CNTNAP4: variants seen among roughly 807,000 people sequenced by gnomAD.
The protein encoded by CNTNAP4 is contactin-associated protein-like 4.
In CNTNAP4, 98 loss-of-function variants were observed where a neutral mutation model predicts 148.4. The ratio of observed to expected loss-of-function variants is 0.66; its 90% confidence interval spans 0.56 to 0.78. The LOEUF (loss-of-function observed/expected upper bound fraction) is 0.78, where lower values mean the gene tolerates loss of function less well. Ranked by LOEUF, CNTNAP4 falls within the 30% of genes least tolerant of loss-of-function variation. The pLI is 0.00. For missense variants in CNTNAP4, 1,935 were observed against 1,565.6 expected (o/e 1.24, Z -3.98); for synonymous variants, 730 against 565.1 (o/e 1.29, Z -4.14).
chr16:76,313,055 C>T (rs989370745), intron 1 of CNTNAP4, among the ~76,000 whole-genome samples: 2 of 152,136 alleles, frequency 1.3e-5, no homozygotes, highest in Non-Finnish European at 2.9e-5. Context: ...CCAAATATCA[C>T]AAGCCTCCTG....
intron 3 of CNTNAP4, among the ~76,000 whole-genome samples, chr16:76,414,658 A>G (rs1160383735): frequency 6.6e-6 from 1 of 151,266 alleles, no homozygotes; most frequent in African/African-American, 2.4e-5. Flanking sequence ...GAGGCCTGCA[A>G]TTTTCTGTGT....
chr16:76,537,210 T>C (rs149520406), intron 18 of CNTNAP4, among the ~76,000 whole-genome samples: 116 of 152,294 alleles, frequency 7.6e-4, no homozygotes, highest in African/African-American at 2.5e-3. Flanking sequence ...TGTTACTCTG[T>C]ATGCACATAT....
chr16:76,452,660 G>C lies in CNTNAP4; in HGVS notation c.1224G>C (p.Leu408=). The change falls in exon 8 of 24, where the codon CTG becomes CTC. Residue 408 remains leucine, a synonymous_variant. Transcript: ENST00000611870. ...CTTGGAATAAGGCAGGGCTTCTGCTGTTCAGTGAACTTCAGCTGATTTCAG... is the reference window on the plus strand; with the variant it reads ...CTTGGAATAAGGCAGGGCTTCTGCTCTTCAGTGAACTTCAGCTGATTTCAG... ...FRTWNKAGLL[L]FSELQLISGG... 1 of 1,613,880 alleles carries C rather than the reference G, an allele frequency of 6.2e-7. No individual in the cohort carries two copies. The highest frequency in any genetic ancestry group is 1.7e-5 in the Admixed American group (1 of 60,000).
At chr16:76,359,564 T>C (rs773352097) in intron 3 of CNTNAP4, among the ~76,000 whole-genome samples, 6 of 152,138 alleles carry the variant, frequency 3.9e-5, no homozygotes, top group African/African-American at 9.7e-5. Context: ...TTTTACAGTC[T>C]ATACAGATCA....
At chr16:76,370,169 T>C (rs1490395187) in intron 3 of CNTNAP4, among the ~76,000 whole-genome samples, 1 of 152,146 alleles carries the variant, frequency 6.6e-6, no homozygotes, top group Non-Finnish European at 1.5e-5. Flanking sequence ...CGTACCTTGG[T>C]TGTCAATACA....
intron 17 of CNTNAP4, among the ~76,000 whole-genome samples, chr16:76,524,491 A>G (rs1387321638): frequency 6.6e-6 from 1 of 152,154 alleles, no homozygotes; most frequent in African/African-American, 2.4e-5. Context: ...TTGCCTGTGG[A>G]TGACCTTTCA....
intron 10 of CNTNAP4, among the ~76,000 whole-genome samples, chr16:76,472,503 T>C (rs1469646490): frequency 6.6e-6 from 1 of 152,006 alleles, no homozygotes; most frequent in Non-Finnish European, 1.5e-5. Flanking sequence ...TGCTATAGAA[T>C]AGCCTTTGGT....
At chr16:76,282,794 T>C (rs1340503052) in intron 1 of CNTNAP4, among the ~76,000 whole-genome samples, 1 of 151,962 alleles carries the variant, frequency 6.6e-6, no homozygotes, top group Non-Finnish European at 1.5e-5. Context: ...ATTTACGCTA[T>C]ACTTTTTCCT....
Position 76,558,677 on chromosome 16 carries a change from C to T in CNTNAP4, c.3921C>T (p.Phe1307=), listed in dbSNP as rs768680630. The T allele has an allele frequency of 3.1e-6, 5 of 1,599,966 alleles. No individual in the cohort carries two copies. The highest frequency in any genetic ancestry group is 2.2e-5 in the South Asian group (2 of 88,940). Residue 1307 remains phenylalanine, a synonymous_variant, in exon 24 of 24, where the codon TTC becomes TTT. Transcript: ENST00000611870. Reference sequence around the variant, plus strand: ...TCAATGAAAATCAGAAAGAGTACTTCTTCTGATTGGCAGCTATGATTTAAC... The same window carrying T: ...TCAATGAAAATCAGAAAGAGTACTTTTTCTGATTGGCAGCTATGATTTAAC... ...NAVNENQKEY[F]F
At chr16:76,483,374 T>C (rs2081912865) in intron 12 of CNTNAP4, among the ~76,000 whole-genome samples, 1 of 151,938 alleles carries the variant, frequency 6.6e-6, no homozygotes, top group South Asian at 2.1e-4. Context: ...GGAATCACAG[T>C]ACAATTAGTT....
chr16:76,310,983 T>C (rs1329091694), intron 1 of CNTNAP4, among the ~76,000 whole-genome samples: 1 of 152,146 alleles, frequency 6.6e-6, no homozygotes, highest in South Asian at 2.1e-4. Context: ...GTGCTCTTTT[T>C]TCCTCAAGTG....
intron 3 of CNTNAP4, among the ~76,000 whole-genome samples, chr16:76,358,312 G>T (rs576894705): frequency 6.6e-6 from 1 of 152,094 alleles, no homozygotes; most frequent in East Asian, 1.9e-4. Context: ...CTCCAGCCTG[G>T]GTGACAGAGC....
At chr16:76,410,013 T>C (rs1037797030) in intron 3 of CNTNAP4, among the ~76,000 whole-genome samples, 8 of 151,910 alleles carry the variant, frequency 5.3e-5, no homozygotes, top group East Asian at 3.9e-4. Context: ...CTCCAATTTA[T>C]AGATAAAGAA....
intron 3 of CNTNAP4, among the ~76,000 whole-genome samples, chr16:76,373,699 A>G (rs1288469765): frequency 2.0e-5 from 3 of 152,052 alleles, no homozygotes; most frequent in African/African-American, 4.8e-5. Context: ...GTTCAAGACC[A>G]GTCTGGCCAA....
chr16:76,424,491 C>T (rs1294929934), intron 3 of CNTNAP4, among the ~76,000 whole-genome samples: 2 of 152,190 alleles, frequency 1.3e-5, no homozygotes, highest in Non-Finnish European at 1.5e-5. Flanking sequence ...CGGTGGTTCA[C>T]GCCTGTAATC....
At chr16:76,463,391 G>A (rs1362270656) in intron 9 of CNTNAP4, among the ~76,000 whole-genome samples, 1 of 152,104 alleles carries the variant, frequency 6.6e-6, no homozygotes, top group Non-Finnish European at 1.5e-5. Flanking sequence ...TGTCCTTCAT[G>A]TTCAGGTTTA....
intron 3 of CNTNAP4, among the ~76,000 whole-genome samples, chr16:76,421,514 A>C (rs1315703988): frequency 1.3e-5 from 2 of 152,098 alleles, no homozygotes; most frequent in East Asian, 3.9e-4. Context: ...TTATGTTAGC[A>C]AATTTTCCAC....
In CNTNAP4 at chr16:76,475,970, G is replaced by T. The variant is rs1212345679; in HGVS notation, c.1687G>T (p.Glu563Ter). The T allele has an allele frequency of 1.2e-6, 2 of 1,613,818 alleles. No individual in the cohort carries two copies. The highest frequency in any genetic ancestry group is 1.7e-5 in the Admixed American group (1 of 60,018). ...GCCCAACTATTGTGAACACGGTGGG[G>T]AGTGTTCCCAGTCCTGGAGCACCTT... ...CLPNYCEHGGECSQSWSTFHC... is the reference protein window; with the variant it reads ...CLPNYCEHGG Residue 563 changes from glutamate (E) to a stop codon, truncating the protein, a stop_gained, in exon 11 of 24, where the codon GAG becomes TAG. Transcript: ENST00000611870. LOFTEE classifies it high-confidence loss of function.
rs16944329 is a variant in CNTNAP4 at position 76,380,904 on chromosome 16, C to G, written c.390+25393C>G. Among the ~76,000 whole-genome samples the G allele has an allele frequency of 1.6e-3, 238 of 152,278 alleles. 2 individuals are homozygous for G. Among genetic ancestry groups the G allele is most frequent in the African/African-American group, 5.5e-3 (228 of 41,556 alleles). On this transcript the variant is annotated intron_variant, in intron 3 of 23. Coordinates refer to ENST00000611870, the MANE Select transcript of CNTNAP4 (RefSeq NM_033401.5). ...ATGCCAAGAAAAAATTATGACCTAT[C>G]ATGAACTCATTTACTTTCTTTTAAG...
Sources: allele counts gnomAD v4.1 joint callset (sites outside exome capture counted in the v4.1 genomes callset), GRCh38; gene constraint gnomAD v4.1.1; transcripts MANE v1.5; gene names NCBI Gene and HGNC (gene_info 2026-07-23, HGNC 2026-07-21).